KLF12: variants seen among roughly 807,000 people sequenced by gnomAD.
KLF12 encodes the protein Krueppel-like factor 12.
Under a neutral mutation model 37.8 loss-of-function variants are expected in KLF12, and 9 were observed. That is an observed-to-expected ratio of 0.24 (90% CI 0.14 to 0.42). The LOEUF (loss-of-function observed/expected upper bound fraction) is 0.42. Among genes scored for constraint, KLF12 ranks in the 10% least tolerant of loss-of-function variants. The probability of loss-of-function intolerance (pLI) is 1.00; values close to 1 mark genes in which losing one functional copy is unlikely to be tolerated. For synonymous variants in KLF12, 208 were observed against 202.1 expected, an observed-to-expected ratio of 1.03 and a Z score of -0.25; for missense variants, 411 against 516.0, an observed-to-expected ratio of 0.80 and a Z score of 1.97.
chr13:74,107,087 G>C (rs989531126), intron 1 of KLF12, among the ~76,000 whole-genome samples: 1 of 151,602 alleles, frequency 6.6e-6, no homozygotes, highest in Non-Finnish European at 1.5e-5. Context: ...GATGGCGCTT[G>C]TCTTCACATG....
intron 2 of KLF12, among the ~76,000 whole-genome samples, chr13:73,983,662 C>T (rs185836569): frequency 1.1e-4 from 17 of 152,336 alleles, no homozygotes; most frequent in Admixed American, 7.2e-4. Flanking sequence ...TCAGAATCCT[C>T]CTTTTCCTCA....
chr13:74,139,743 G>A, the KLF12 span, among the ~76,000 whole-genome samples: 2 of 151,730 alleles, frequency 1.3e-5, no homozygotes, highest in African/African-American at 2.4e-5. Context: ...CAGCAAATTT[G>A]TTTTAAAAAA....
the KLF12 span, among the ~76,000 whole-genome samples, chr13:74,157,195 G>C: frequency 6.6e-6 from 1 of 152,076 alleles, no homozygotes; most frequent in Non-Finnish European, 1.5e-5. Flanking sequence ...AGAGATATTT[G>C]CTTTATTTAG....
chr13:73,890,470 A>T (rs1887450900), intron 3 of KLF12, among the ~76,000 whole-genome samples: 1 of 152,152 alleles, frequency 6.6e-6, no homozygotes, highest in Non-Finnish European at 1.5e-5. Flanking sequence ...ACATACTTGT[A>T]AGTGGAGTTA....
rs547052225 is a variant in KLF12 at position 73,755,617 on chromosome 13, C to CTT, written c.869+9320_869+9321insAA. Among the ~76,000 whole-genome samples, 102 of 133,186 alleles carry CTT rather than the reference C, an allele frequency of 7.7e-4. 1 individual carries two copies. Among genetic ancestry groups the CTT allele is most frequent in the South Asian group, 4.2e-3 (18 of 4,320 alleles). 87.4% of individuals were successfully genotyped at this position (133,186 alleles called of 152,430 possible). On this transcript the variant is annotated intron_variant, in intron 6 of 7. Coordinates refer to ENST00000377669, the MANE Select transcript of KLF12 (RefSeq NM_007249.5). ...ACTTAGGGTTGACAAAGCACTTTCTCTCTTTTTTTTTTTATTTCAATGGGT... is the reference window on the plus strand; with the variant it reads ...ACTTAGGGTTGACAAAGCACTTTCTCTTTCTTTTTTTTTTTATTTCAATGGGT...
At chr13:73,918,692 T>A (rs989203839) in intron 3 of KLF12, among the ~76,000 whole-genome samples, 2 of 152,168 alleles carry the variant, frequency 1.3e-5, no homozygotes, top group Admixed American at 6.5e-5. Flanking sequence ...AGGATGCCAG[T>A]AACAGAATTA....
the KLF12 span, among the ~76,000 whole-genome samples, chr13:74,221,169 G>C: frequency 2.0e-5 from 3 of 152,076 alleles, no homozygotes; most frequent in South Asian, 6.2e-4. Flanking sequence ...ACCACGCCCG[G>C]CTAATTTTTT....
chr13:73,809,901 GTAA>G (rs535389214), intron 5 of KLF12, among the ~76,000 whole-genome samples: 30 of 152,222 alleles, frequency 2.0e-4, no homozygotes, highest in Admixed American at 8.5e-4. Context: ...TGCAACTTTT[GTAA>G]TAATAATAAA....
chr13:74,185,363 T>C, the KLF12 span, among the ~76,000 whole-genome samples: 2 of 152,320 alleles, frequency 1.3e-5, no homozygotes, highest in East Asian at 3.9e-4. Context: ...AGGCTAAGGA[T>C]GGAGTGAGGC....
chr13:74,123,978 C>G (rs1032452410), intron 1 of KLF12, among the ~76,000 whole-genome samples: 5 of 152,162 alleles, frequency 3.3e-5, no homozygotes, highest in African/African-American at 7.2e-5. Context: ...TAAATCCACT[C>G]TAAACCACCA....
intron 3 of KLF12, among the ~76,000 whole-genome samples, chr13:73,862,519 A>G (rs1225105538): frequency 6.6e-6 from 1 of 152,206 alleles, no homozygotes; most frequent in Non-Finnish European, 1.5e-5. Context: ...ATGTATGCCC[A>G]CAGCAGATCA....
intron 3 of KLF12, among the ~76,000 whole-genome samples, chr13:73,867,608 GA>G (rs57126896): frequency 2.7e-5 from 4 of 150,714 alleles, no homozygotes; most frequent in Admixed American, 2.0e-4. Flanking sequence ...AAGACAGGGG[GA>G]AAAAAAAATT....
chr13:74,054,079 C>A (rs1023202068), intron 1 of KLF12, among the ~76,000 whole-genome samples: 1 of 152,116 alleles, frequency 6.6e-6, no homozygotes, highest in Non-Finnish European at 1.5e-5. Context: ...AATCTTAGGG[C>A]ACTGTAAATT....
intron 7 of KLF12, among the ~76,000 whole-genome samples, chr13:73,697,227 A>G (rs1250241001): frequency 4.6e-5 from 7 of 152,204 alleles, no homozygotes; most frequent in Admixed American, 2.6e-4. Context: ...TTTTCATTCA[A>G]CTGTTAAATC....
At chr13:74,235,393 C>T in the KLF12 span, among the ~76,000 whole-genome samples, 2 of 152,302 alleles carry the variant, frequency 1.3e-5, no homozygotes, top group South Asian at 4.1e-4. Context: ...TTATTTTCTG[C>T]ACTTCCCTAT....
At chr13:73,784,437 C>T (rs1221236555) in intron 5 of KLF12, among the ~76,000 whole-genome samples, 1 of 152,086 alleles carries the variant, frequency 6.6e-6, no homozygotes, top group East Asian at 1.9e-4. Flanking sequence ...CGTTTTCTCT[C>T]TGTGATCTGG....
At chr13:74,082,171 A>AAAAAAAAAAAAAAAAAAAC (rs1874947086) in intron 1 of KLF12, among the ~76,000 whole-genome samples, 1 of 150,506 alleles carries the variant, frequency 6.6e-6, no homozygotes, top group African/African-American at 2.4e-5. Flanking sequence ...CTTAAAAAAA[A>AAAAAAAAAAAAAAAAAAAC]AAAAAAACAA....
chr13:73,932,033 AAAAAAG>A (rs1889709662), intron 3 of KLF12, among the ~76,000 whole-genome samples: 2 of 152,036 alleles, frequency 1.3e-5, no homozygotes, highest in African/African-American at 4.8e-5. Context: ...CAGTTAAAAA[AAAAAAG>A]AAAAGAAATT....
chr13:74,032,666 A>G (rs1893144960), intron 1 of KLF12, among the ~76,000 whole-genome samples: 1 of 151,938 alleles, frequency 6.6e-6, no homozygotes, highest in African/African-American at 2.4e-5. Flanking sequence ...CTCTCTCTAT[A>G]TTTTCATCTG....
Sources: gnomAD v4.1 joint callset for allele counts (sites outside exome capture counted in the v4.1 genomes callset) on GRCh38, gnomAD v4.1.1 for gene constraint, MANE v1.5 for transcripts, NCBI Gene and HGNC (gene_info 2026-07-23, HGNC 2026-07-21) for gene names.